The following CPXM2 variants were observed in gnomAD, a reference collection of about 807,000 sequenced individuals.
CPXM2 encodes inactive carboxypeptidase-like protein X2.
CPXM2 carries 66 observed loss-of-function variants against 86.1 expected under a neutral mutation model. That is an observed-to-expected ratio of 0.77 (90% CI 0.63 to 0.94). CPXM2 has a LOEUF of 0.94. Among genes scored for constraint, CPXM2 ranks in the 40% least tolerant of loss-of-function variants. The probability of loss-of-function intolerance (pLI) is 0.00; values close to 1 mark genes in which losing one functional copy is unlikely to be tolerated. For synonymous variants in CPXM2, 388 were observed against 400.2 expected (o/e 0.97, Z 0.36); for missense variants, 948 against 1,026.3 (o/e 0.92, Z 1.04).
chr10:123,830,771 T>C (rs1848148041), intron 4 of CPXM2, among the ~76,000 whole-genome samples: 2 of 125,276 alleles, frequency 1.6e-5, no homozygotes, highest in African/African-American at 4.0e-5. Flanking sequence ...GGGAATAATA[T>C]GCAAAAAAAA....
At chr10:123,816,925 T>C (rs1847825126) in intron 4 of CPXM2, among the ~76,000 whole-genome samples, 1 of 152,248 alleles carries the variant, frequency 6.6e-6, no homozygotes, top group South Asian at 2.1e-4. Context: ...CTGGACTTAT[T>C]GGTGAGACAT....
chr10:123,844,395 A>C lies in CPXM2; in HGVS notation c.514-1907T>G, dbSNP rs190869623. Among the ~76,000 whole-genome samples, 262 of 152,300 alleles carry C rather than the reference A, an allele frequency of 1.7e-3. 1 individual carries two copies. Among genetic ancestry groups the C allele is most frequent in the African/African-American group, 5.6e-3 (232 of 41,568 alleles). ...GAATCTACTACAATACCAAAAAAAA[A>C]CTGAGAATTAATGTAATTTTATAAA... On this transcript the variant is annotated intron_variant, in intron 3 of 13. Coordinates refer to ENST00000241305, the MANE Select transcript of CPXM2 (RefSeq NM_198148.3).
chr10:123,838,118 C>T (rs974459653), intron 4 of CPXM2, among the ~76,000 whole-genome samples: 1 of 152,178 alleles, frequency 6.6e-6, no homozygotes, highest in African/African-American at 2.4e-5. Context: ...AATTAGTAGA[C>T]ATCCAGAGAG....
At chr10:123,942,273 G>A (rs939102599), upstream of CPXM2, among the ~76,000 whole-genome samples, 3 of 152,160 alleles carry the variant, frequency 2.0e-5, no homozygotes, top group Non-Finnish European at 2.9e-5. Flanking sequence ...ATCTTGAACA[G>A]GGACTGGGTA....
At chr10:123,747,975 G>C (rs926448174) in intron 13 of CPXM2, among the ~76,000 whole-genome samples, 3 of 149,160 alleles carry the variant, frequency 2.0e-5, no homozygotes, top group Non-Finnish European at 4.4e-5. Context: ...TCCTCCCAGA[G>C]AGCCTACAAC....
At chr10:123,790,600 T>C (rs1040320282) in intron 6 of CPXM2, among the ~76,000 whole-genome samples, 1 of 152,178 alleles carries the variant, frequency 6.6e-6, no homozygotes, top group African/African-American at 2.4e-5. Context: ...AAGGGGAAGC[T>C]GCCTTCTGCT....
At chr10:123,938,598 G>A (rs536131346) in intron 2 of CPXM2, among the ~76,000 whole-genome samples, 34 of 152,290 alleles carry the variant, frequency 2.2e-4, no homozygotes, top group Admixed American at 7.2e-4. Flanking sequence ...AGCTGCAAGG[G>A]AGCCTGGGAC....
In CPXM2 at chr10:123,757,319, C is replaced by T. The variant is rs776991159; in HGVS notation, c.1811G>A (p.Cys604Tyr). ...GCCCACGTAGATGGACAGTTCGAAG[C>T]AGTTTGTATGAAGGTAGCTGAAATC... The part of the protein sequence containing the change: ...LNDFSYLHTN[C>Y]FELSIYVGCD... The change falls in exon 12 of 14, where the codon TGC (cysteine) becomes TAC (tyrosine). Residue 604 changes from cysteine (C) to tyrosine (Y), a missense_variant. Transcript: ENST00000241305. The T allele has an allele frequency of 9.3e-6, 15 of 1,613,934 alleles. No homozygotes were observed. Among genetic ancestry groups the T allele is most frequent in the Non-Finnish European group, 1.2e-5 (14 of 1,179,800 alleles).
At position 123,772,182 on chromosome 10, in the gene CPXM2, CCACCTCCCTGGTTGTGGTTAT is replaced by C. The variant is rs754865089; in HGVS notation, c.979-1164_979-1144del. ...ATCATCACCTCCTTCGTTGTGGTTA[CCACCTCCCTGGTTGTGGTTAT>C]CACCTCCCTGGTTGTGGTTATCACC... On this transcript the variant is annotated intron_variant, in intron 7 of 13. Transcript: ENST00000241305. Among the ~76,000 whole-genome samples, 576 of 142,864 alleles carry C rather than the reference CCACCTCCCTGGTTGTGGTTAT, an allele frequency of 4.0e-3. 2 individuals carry two copies. The highest frequency in any genetic ancestry group is 0.013 in the African/African-American group (519 of 38,504). The allele number at this position is 142,864 out of a possible 152,430, so 93.7% of individuals were successfully genotyped here.
intron 7 of CPXM2, among the ~76,000 whole-genome samples, chr10:123,779,799 A>G (rs1846891447): frequency 6.6e-6 from 1 of 152,162 alleles, no homozygotes; most frequent in African/African-American, 2.4e-5. Context: ...TCCTATGTGA[A>G]TATTTCCCAC....
At chr10:123,788,638 C>G (rs1211715563) in intron 6 of CPXM2, among the ~76,000 whole-genome samples, 1 of 152,222 alleles carries the variant, frequency 6.6e-6, no homozygotes, top group South Asian at 2.1e-4. Context: ...TTCCCCTAAG[C>G]TGGCTTCAGA....
At chr10:123,857,086 A>G (rs1315782612) in intron 3 of CPXM2, among the ~76,000 whole-genome samples, 2 of 152,216 alleles carry the variant, frequency 1.3e-5, no homozygotes, top group Admixed American at 1.3e-4. Flanking sequence ...GAGGGGCCGA[A>G]CTTTTGCTCT....
At chr10:123,889,768 G>A (rs1945237237) in intron 1 of CPXM2, among the ~76,000 whole-genome samples, 1 of 152,078 alleles carries the variant, frequency 6.6e-6, no homozygotes, top group South Asian at 2.1e-4. Flanking sequence ...CCCTAAACAT[G>A]GGTGTTAGGC....
At chr10:123,852,043 T>A (rs2134173452) in intron 3 of CPXM2, among the ~76,000 whole-genome samples, 1 of 152,236 alleles carries the variant, frequency 6.6e-6, no homozygotes. Flanking sequence ...AGGGACCCTT[T>A]CTTAGAGACT....
intron 2 of CPXM2, among the ~76,000 whole-genome samples, chr10:123,899,631 A>G (rs1430036430): frequency 6.6e-6 from 1 of 152,228 alleles, no homozygotes; most frequent in Non-Finnish European, 1.5e-5. Context: ...AGCCTGGACA[A>G]CGCAGTGAGA....
intron 3 of CPXM2, among the ~76,000 whole-genome samples, chr10:123,845,357 A>C (rs1848476075): frequency 6.6e-6 from 1 of 152,046 alleles, no homozygotes; most frequent in Admixed American, 6.5e-5. Flanking sequence ...AGAGAACAGA[A>C]AAAAGGCTTT....
chr10:123,900,574 T>A (rs868796719), intron 2 of CPXM2, among the ~76,000 whole-genome samples: 26 of 152,360 alleles, frequency 1.7e-4, no homozygotes, highest in African/African-American at 4.8e-4. Context: ...CAAGTGTTGA[T>A]GACGGTGTGG....
At chr10:123,904,621 G>C (rs1945415740) in intron 2 of CPXM2, among the ~76,000 whole-genome samples, 2 of 152,142 alleles carry the variant, frequency 1.3e-5, no homozygotes, top group South Asian at 4.1e-4. Flanking sequence ...GCTTGGCATG[G>C]GGCGAGGGTT....
intron 4 of CPXM2, among the ~76,000 whole-genome samples, chr10:123,817,583 A>G (rs1847838604): frequency 6.6e-6 from 1 of 152,210 alleles, no homozygotes; most frequent in Non-Finnish European, 1.5e-5. Flanking sequence ...AGCAGCATTC[A>G]TCATCAAATA....
Sources: gnomAD v4.1 joint callset for allele counts (sites outside exome capture counted in the v4.1 genomes callset) on GRCh38, gnomAD v4.1.1 for gene constraint, MANE v1.5 for transcripts, NCBI Gene and HGNC (gene_info 2026-07-23, HGNC 2026-07-21) for gene names.